The following AKT3 variants were observed in gnomAD, a reference collection of about 807,000 sequenced individuals.
The protein encoded by AKT3 is RAC-gamma serine/threonine-protein kinase.
In AKT3, 15 loss-of-function variants were observed where a neutral mutation model predicts 65.3. The observed-to-expected ratio is 0.23, with a 90% CI of 0.15 to 0.35. The LOEUF is 0.35. AKT3 is among the 10% of genes least tolerant of loss of function. The pLI, the probability that AKT3 is intolerant of heterozygous loss-of-function variation, is 1.00. For synonymous variants in AKT3, 206 were observed against 183.8 expected (o/e 1.12, Z -0.98); for missense variants, 243 against 576.5 (o/e 0.42, Z 5.92).
intron 2 of AKT3, among the ~76,000 whole-genome samples, chr1:243,701,546 A>G (rs2148044939): frequency 6.6e-6 from 1 of 152,180 alleles, no homozygotes; most frequent in African/African-American, 2.4e-5. Flanking sequence ...ATAAAACCAT[A>G]GCACTATTTT....
chr1:243,645,975 C>A lies in AKT3; in HGVS notation c.347G>T (p.Arg116Ile). The A allele has an allele frequency of 6.2e-7, 1 of 1,612,888 alleles. No individual in the cohort carries two copies. Among genetic ancestry groups the A allele is most frequent in the East Asian group, 2.2e-5 (1 of 44,868 alleles). Residue 116 changes from arginine (R) to isoleucine (I), a missense_variant, in exon 5 of 14, where the codon AGA (arginine) becomes ATA (isoleucine). Around this residue, in one of 6 missense-constraint regions of AKT3, gnomAD observed 72 missense variants for 86.0 expected, o/e 0.84. Coordinates refer to ENST00000673466, the MANE Select transcript of AKT3 (RefSeq NM_005465.7). Reference protein sequence around the residue: ...ADRLQRQEEERMNCSPTSQID... With the variant: ...ADRLQRQEEEIMNCSPTSQID... ...TTGTGAAGTTGGACTACAATTCATT[C>A]TCTCCTCTTCTTGCCTCTGCAGTCT...
At chr1:243,811,596 C>T (rs1241718576) in intron 2 of AKT3, among the ~76,000 whole-genome samples, 1 of 152,098 alleles carries the variant, frequency 6.6e-6, no homozygotes, top group Non-Finnish European at 1.5e-5. Flanking sequence ...GCCATACTGC[C>T]CAAGGTAATT....
intron 4 of AKT3, among the ~76,000 whole-genome samples, chr1:243,649,313 ATGTGTGTGTGTGTGTGTGTGTGTG>A (rs55765060): frequency 3.4e-5 from 5 of 146,026 alleles, no homozygotes; most frequent in African/African-American, 5.2e-5. Context: ...TTATGTGTAT[ATGTGTGTGTGTGTGTGTGTGTGTG>A]TGTGTGTGTG....
intron 2 of AKT3, among the ~76,000 whole-genome samples, chr1:243,712,200 A>G (rs1686205588): frequency 6.6e-6 from 1 of 152,248 alleles, no homozygotes; most frequent in Non-Finnish European, 1.5e-5. Context: ...CCTATATAAA[A>G]GAAATAAATA....
chr1:243,520,064 T>C (rs759938830), intron 12 of AKT3, among the ~76,000 whole-genome samples: 10 of 152,236 alleles, frequency 6.6e-5, no homozygotes, highest in Non-Finnish European at 1.5e-4. Flanking sequence ...TGTATTATTA[T>C]AGGTTGAAAT....
At chr1:243,684,568 T>G (rs1385543804) in intron 3 of AKT3, among the ~76,000 whole-genome samples, 1 of 152,194 alleles carries the variant, frequency 6.6e-6, no homozygotes, top group African/African-American at 2.4e-5. Context: ...TGATGGTCAT[T>G]TGGGTTGGTT....
At chr1:243,514,253 G>T (rs748654298) in intron 12 of AKT3, among the ~76,000 whole-genome samples, 35 of 152,122 alleles carry the variant, frequency 2.3e-4, no homozygotes, top group Non-Finnish European at 4.4e-5. Context: ...GGTTCTTTGT[G>T]ATGTCAAAAA....
chr1:243,525,195 C>T (rs1028811837), intron 12 of AKT3, among the ~76,000 whole-genome samples: 2 of 152,140 alleles, frequency 1.3e-5, no homozygotes, highest in African/African-American at 4.8e-5. Context: ...AATAAACCAG[C>T]CTGGAATCTT....
In AKT3 at chr1:243,785,858, C is replaced by A. The variant is rs1050791065; in HGVS notation, c.46+57267G>T. On this transcript the variant is annotated intron_variant, in intron 2 of 13. Transcript: ENST00000673466. ...TATCCCACTCATCTTCTCCTTAGGACTCCAGAACTGCTTTTGTCCATCCCA... is the reference window on the plus strand; with the variant it reads ...TATCCCACTCATCTTCTCCTTAGGAATCCAGAACTGCTTTTGTCCATCCCA... Among the ~76,000 whole-genome samples the A allele has an allele frequency of 1.3e-5, 2 of 152,198 alleles. 1 individual carries two copies. The highest frequency in any genetic ancestry group is 4.1e-4 in the South Asian group (2 of 4,832).
intron 2 of AKT3, among the ~76,000 whole-genome samples, chr1:243,741,121 A>G (rs1197904787): frequency 2.0e-5 from 3 of 152,220 alleles, no homozygotes; most frequent in Admixed American, 6.5e-5. Context: ...TATCGTCAAT[A>G]AAGAACACTA....
intron 12 of AKT3, among the ~76,000 whole-genome samples, chr1:243,528,105 T>C (rs548586892): frequency 6.6e-6 from 1 of 152,336 alleles, no homozygotes; most frequent in East Asian, 1.9e-4. Context: ...ACCTCCTTTC[T>C]ATAGGTTAGC....
intron 12 of AKT3, among the ~76,000 whole-genome samples, chr1:243,523,062 G>C (rs1288019346): frequency 6.6e-6 from 1 of 152,048 alleles, no homozygotes; most frequent in Non-Finnish European, 1.5e-5. Flanking sequence ...AGAGGTAGAA[G>C]GTCAATTTGA....
chr1:243,660,309 G>C (rs1378136868), intron 4 of AKT3, among the ~76,000 whole-genome samples: 3 of 152,148 alleles, frequency 2.0e-5, no homozygotes, highest in Admixed American at 1.3e-4. Context: ...TTGTATTTCT[G>C]TGGGATCTGT....
chr1:243,491,450 A>AC (rs748102009), intron 13 of AKT3, among the ~76,000 whole-genome samples: 9 of 152,234 alleles, frequency 5.9e-5, no homozygotes, highest in Non-Finnish European at 1.2e-4. Flanking sequence ...TTTAATATGA[A>AC]CATGACAAAA....
At chr1:243,770,628 T>C (rs951986628) in intron 2 of AKT3, among the ~76,000 whole-genome samples, 2 of 151,864 alleles carry the variant, frequency 1.3e-5, no homozygotes, top group African/African-American at 4.8e-5. Context: ...CAGAAAATAG[T>C]ATACCACAGA....
intron 1 of AKT3, among the ~76,000 whole-genome samples, chr1:243,845,192 T>C (rs1049961468): frequency 6.6e-6 from 1 of 151,850 alleles, no homozygotes; most frequent in Non-Finnish European, 1.5e-5. Context: ...CTAGACAGCC[T>C]GACTAAATAG....
intron 13 of AKT3, among the ~76,000 whole-genome samples, chr1:243,492,762 C>T (rs1165975527): frequency 6.6e-6 from 1 of 151,720 alleles, no homozygotes; most frequent in Non-Finnish European, 1.5e-5. Context: ...TGCCTGCCAC[C>T]ACGCCTGGCT....
intron 2 of AKT3, among the ~76,000 whole-genome samples, chr1:243,698,970 C>T (rs956595165): frequency 1.3e-5 from 2 of 150,612 alleles, no homozygotes; most frequent in Non-Finnish European, 2.9e-5. Flanking sequence ...TACCAGATTT[C>T]AGGTGCCTAG....
At chr1:243,655,830 A>G (rs1681738502) in intron 4 of AKT3, among the ~76,000 whole-genome samples, 1 of 152,064 alleles carries the variant, frequency 6.6e-6, no homozygotes, top group African/African-American at 2.4e-5. Flanking sequence ...GAGCTACTCA[A>G]AATCTCTCCA....
Sources: allele counts gnomAD v4.1 joint callset (sites outside exome capture counted in the v4.1 genomes callset), GRCh38; gene constraint gnomAD v4.1.1; regional missense constraint gnomAD v4.1.1; transcripts MANE v1.5; gene names NCBI Gene and HGNC (gene_info 2026-07-23, HGNC 2026-07-21).